DSCAM: variants seen among roughly 807,000 people sequenced by gnomAD.
The protein encoded by DSCAM is DS cell adhesion molecule.
A neutral mutation model predicts 217.7 loss-of-function variants in DSCAM; 47 were observed. The ratio of observed to expected loss-of-function variants is 0.22; its 90% CI spans 0.17 to 0.28. The LOEUF is 0.28. DSCAM is among the 10% of genes least tolerant of loss of function. The pLI is 1.00. For missense variants in DSCAM, 2,080 were observed against 2,618.3 expected, an observed-to-expected ratio of 0.79 and a Z score of 4.49; for synonymous variants, 1,056 against 1,015.3, an observed-to-expected ratio of 1.04 and a Z score of -0.76.
At chr21:40,083,244 C>T (rs1372899260) in intron 24 of DSCAM, among the ~76,000 whole-genome samples, 1 of 152,192 alleles carries the variant, frequency 6.6e-6, no homozygotes. Context: ...GCCTGGCCAA[C>T]ATGGCAAAAC....
intron 3 of DSCAM, among the ~76,000 whole-genome samples, chr21:40,429,065 A>T (rs1283193969): frequency 1.3e-5 from 2 of 152,142 alleles, no homozygotes; most frequent in African/African-American, 4.8e-5. Flanking sequence ...TGGCAACAAG[A>T]CATAATCTTT....
In DSCAM at chr21:40,389,526, T is replaced by A. The variant is rs1233250058; in HGVS notation, c.509-20281A>T. 1.1e-4 allele frequency among the ~76,000 whole-genome samples: 16 copies of A among 152,318 alleles called. No individual in the cohort carries two copies. The South Asian group carries it at 3.3e-3, about 32-fold the overall frequency. On this transcript the variant is annotated intron_variant, in intron 3 of 32. Transcript: ENST00000400454. Reference sequence around the variant, plus strand: ...TTATCATTAATACTGTCCAGGTATATTGATTAAATTATTTGTTAAATTCTC... The same window carrying A: ...TTATCATTAATACTGTCCAGGTATAATGATTAAATTATTTGTTAAATTCTC...
chr21:40,452,343 C>CA (rs1486741669), intron 3 of DSCAM, among the ~76,000 whole-genome samples: 1 of 151,402 alleles, frequency 6.6e-6, no homozygotes, highest in Non-Finnish European at 1.5e-5. Context: ...ACTGAGTATT[C>CA]AAATCTGATT....
At chr21:40,421,549 G>A (rs772394352) in intron 3 of DSCAM, among the ~76,000 whole-genome samples, 37 of 152,328 alleles carry the variant, frequency 2.4e-4, no homozygotes, top group Non-Finnish European at 2.8e-4. Flanking sequence ...TCTCATAGGA[G>A]CTGCCAGCGC....
intron 4 of DSCAM, among the ~76,000 whole-genome samples, chr21:40,365,593 C>A (rs1454186894): frequency 6.6e-6 from 1 of 152,076 alleles, no homozygotes; most frequent in Non-Finnish European, 1.5e-5. Flanking sequence ...CCCTAAAGAA[C>A]CCTAATACAT....
intron 16 of DSCAM, among the ~76,000 whole-genome samples, chr21:40,163,837 G>A (rs1189102181): frequency 6.6e-6 from 1 of 152,182 alleles, no homozygotes; most frequent in Non-Finnish European, 1.5e-5. Flanking sequence ...ACTGTATCAT[G>A]AGTTAGACCT....
At position 40,519,450 on chromosome 21, in the gene DSCAM, C is replaced by T. The variant is rs564446243; in HGVS notation, c.509-150205G>A. On this transcript the variant is annotated intron_variant, in intron 3 of 32. Transcript: ENST00000400454. ...GTGGGGATTTGAGAGCCCTCATGAA[C>T]GGTATTGTGCACTCTTAAAAGACAC... Among the ~76,000 whole-genome samples the T allele has an allele frequency of 7.9e-5, 12 of 152,212 alleles. No homozygotes were observed. In the South Asian group the frequency reaches 1.7e-3, roughly 21 times the overall value.
chr21:40,552,142 C>G (rs112070516), intron 3 of DSCAM, among the ~76,000 whole-genome samples: 1 of 151,972 alleles, frequency 6.6e-6, no homozygotes, highest in Admixed American at 6.6e-5. Context: ...AGTGAAACCC[C>G]GTCTCTACTA....
intron 3 of DSCAM, among the ~76,000 whole-genome samples, chr21:40,484,365 T>G (rs376392748): frequency 7.9e-5 from 12 of 152,182 alleles, no homozygotes; most frequent in African/African-American, 2.9e-4. Context: ...GGTTAACTGA[T>G]AGAAAACATA....
At chr21:40,063,106 A>G (rs928247156) in intron 27 of DSCAM, among the ~76,000 whole-genome samples, 3 of 152,224 alleles carry the variant, frequency 2.0e-5, no homozygotes, top group Non-Finnish European at 4.4e-5. Flanking sequence ...AATTACAAAA[A>G]TATCAACATA....
At chr21:40,087,668 A>C (rs1345595552) in intron 21 of DSCAM, among the ~76,000 whole-genome samples, 3 of 152,260 alleles carry the variant, frequency 2.0e-5, no homozygotes, top group Non-Finnish European at 4.4e-5. Context: ...ATATCAGAGA[A>C]AGTAGACAAT....
intron 3 of DSCAM, among the ~76,000 whole-genome samples, chr21:40,430,493 C>T (rs1412210088): frequency 6.6e-6 from 1 of 152,214 alleles, no homozygotes; most frequent in Non-Finnish European, 1.5e-5. Flanking sequence ...ATGCTTCCTG[C>T]TCTCGAACAT....
At chr21:40,407,759 ACAGCAT>A (rs1343045855) in intron 3 of DSCAM, among the ~76,000 whole-genome samples, 1 of 152,232 alleles carries the variant, frequency 6.6e-6, no homozygotes, top group African/African-American at 2.4e-5. Flanking sequence ...AGTCCAGGTG[ACAGCAT>A]GTGAAGCAGG....
At chr21:40,241,583 A>G (rs904225804) in intron 11 of DSCAM, among the ~76,000 whole-genome samples, 1 of 152,190 alleles carries the variant, frequency 6.6e-6, no homozygotes, top group East Asian at 1.9e-4. Flanking sequence ...GCAATATGGT[A>G]TGGTGATTCC....
chr21:40,123,521 T>C (rs774671262), intron 20 of DSCAM, among the ~76,000 whole-genome samples: 1 of 152,184 alleles, frequency 6.6e-6, no homozygotes, highest in African/African-American at 2.4e-5. Flanking sequence ...CTTTTTGATA[T>C]GTTTTGGTGT....
At position 40,500,078 on chromosome 21, in the gene DSCAM, G is replaced by A. The variant is rs374641044; in HGVS notation, c.509-130833C>T. Among the ~76,000 whole-genome samples, 73 of 152,222 alleles carry A rather than the reference G, an allele frequency of 4.8e-4. 1 individual carries two copies. The South Asian group carries it at 0.014, about 29-fold the overall frequency. On this transcript the variant is annotated intron_variant, in intron 3 of 32. Transcript: ENST00000400454. The stretch of plus-strand genomic sequence containing the variant: ...ACAGGCGTCAGGCGTGAGCCACTGC[G>A]CCCGGCTGAGTACCCTTCTTTAGGA...
intron 3 of DSCAM, among the ~76,000 whole-genome samples, chr21:40,549,292 CAG>C (rs1400928078): frequency 6.6e-6 from 1 of 152,114 alleles, no homozygotes; most frequent in African/African-American, 2.4e-5. Flanking sequence ...ACAAGCTTGG[CAG>C]AACATTCCTA....
rs546127134 is a variant in DSCAM at position 40,836,364 on chromosome 21, CAA to C, written c.43+10253_43+10254del. On this transcript the variant is annotated intron_variant, in intron 1 of 32. Coordinates refer to ENST00000400454, the MANE Select transcript of DSCAM (RefSeq NM_001389.5). ...ACGCTAACAGGAAGAAAAAATGGTG[CAA>C]AGAGATAGATATTAATACACACAGA... Among the ~76,000 whole-genome samples the C allele has an allele frequency of 3.6e-4, 55 of 152,264 alleles. No homozygotes were observed. In the South Asian group the frequency reaches 0.011, roughly 31 times the overall value.
chr21:40,634,988 A>G (rs1420303179), intron 3 of DSCAM, among the ~76,000 whole-genome samples: 3 of 152,236 alleles, frequency 2.0e-5, no homozygotes, highest in African/African-American at 7.2e-5. Flanking sequence ...AGTTTCACAA[A>G]GATAGGAATT....
Sources: gnomAD v4.1 joint callset for allele counts (sites outside exome capture counted in the v4.1 genomes callset) on GRCh38, gnomAD v4.1.1 for gene constraint, MANE v1.5 for transcripts, NCBI Gene and HGNC (gene_info 2026-07-23, HGNC 2026-07-21) for gene names.